LARGE1: variants seen among roughly 807,000 people sequenced by gnomAD.
The protein encoded by LARGE1 is xylosyl- and glucuronyltransferase LARGE1.
A neutral mutation model predicts 87.6 loss-of-function variants in LARGE1; 43 were observed. That is an observed-to-expected ratio of 0.49 (90% CI 0.38 to 0.63). LARGE1 has a LOEUF of 0.63. Ranked by LOEUF, LARGE1 falls within the 30% of genes least tolerant of loss-of-function variation. The pLI is 0.00. For missense variants in LARGE1, 802 were observed against 1,000.2 expected (o/e 0.80, Z 2.67); for synonymous variants, 434 against 394.6 (o/e 1.10, Z -1.18).
chr22:33,663,998 T>A (rs2149242011), intron 2 of LARGE1, among the ~76,000 whole-genome samples: 1 of 152,320 alleles, frequency 6.6e-6, no homozygotes, highest in South Asian at 2.1e-4. Flanking sequence ...TCTTTCACCA[T>A]CCTTGGATTT....
chr22:33,089,727 G>A, the LARGE1 span, among the ~76,000 whole-genome samples: 12 of 151,588 alleles, frequency 7.9e-5, no homozygotes, highest in Non-Finnish European at 1.8e-4. Context: ...AAACTCCTGG[G>A]CTCAAGTGAT....
At chr22:33,804,087 G>GT (rs952781833) in intron 1 of LARGE1, among the ~76,000 whole-genome samples, 3 of 152,112 alleles carry the variant, frequency 2.0e-5, no homozygotes, top group African/African-American at 7.2e-5. Context: ...CTGCCATCCT[G>GT]TACTCTCCTC....
chr22:33,387,782 T>C (rs2065380764), intron 7 of LARGE1, among the ~76,000 whole-genome samples: 1 of 152,226 alleles, frequency 6.6e-6, no homozygotes, highest in African/African-American at 2.4e-5. Flanking sequence ...TGCGTGACTT[T>C]AATTTTTAAA....
At chr22:33,534,185 A>C (rs1382265936) in intron 6 of LARGE1, among the ~76,000 whole-genome samples, 1 of 151,896 alleles carries the variant, frequency 6.6e-6, no homozygotes, top group African/African-American at 2.4e-5. Flanking sequence ...CAGGCGGATC[A>C]CGAGGTCAGG....
intron 1 of LARGE1, among the ~76,000 whole-genome samples, chr22:33,782,901 AGAG>A (rs1485231073): frequency 2.4e-5 from 3 of 125,830 alleles, no homozygotes; most frequent in African/African-American, 8.9e-5. Context: ...AAAAAAAAAG[AGAG>A]AGAGAGAGGG....
intron 2 of LARGE1, among the ~76,000 whole-genome samples, chr22:33,709,949 T>A (rs533543308): frequency 6.7e-6 from 1 of 148,496 alleles, no homozygotes; most frequent in African/African-American, 2.5e-5. Context: ...TTTGATGTAC[T>A]TTCCTCTCTC....
At chr22:33,527,191 G>A (rs1274892063) in intron 6 of LARGE1, among the ~76,000 whole-genome samples, 1 of 152,204 alleles carries the variant, frequency 6.6e-6, no homozygotes, top group Non-Finnish European at 1.5e-5. Flanking sequence ...GGGAGGCAGA[G>A]GTTGCAGTGA....
chr22:33,790,334 T>C (rs2085783301), intron 1 of LARGE1, among the ~76,000 whole-genome samples: 1 of 152,196 alleles, frequency 6.6e-6, no homozygotes, highest in African/African-American at 2.4e-5. Flanking sequence ...CACTGTCCAG[T>C]ATGTCTTTAT....
Position 33,337,794 on chromosome 22 carries a change from T to A in LARGE1, c.1139A>T (p.His380Leu). 1 of 1,614,096 alleles carries A rather than the reference T, an allele frequency of 6.2e-7. No homozygotes were observed. The highest frequency in any genetic ancestry group is 8.5e-7 in the Non-Finnish European group (1 of 1,180,008). ...YRDVSDLKVI[H>L]WNSPKKLRVK... ...CCGGAGCTTCTTGGGGGAGTTCCAG[T>A]GAATGACCTGGCAGGGAGATAAGGA... The change falls in exon 10 of 15, where the codon CAC becomes CTC. Residue 380 changes from histidine (H) to leucine (L), a missense_variant. His to Leu is a moderately conservative substitution (Grantham distance 99, BLOSUM62 -3). Transcript: ENST00000397394.
intron 2 of LARGE1, among the ~76,000 whole-genome samples, chr22:33,661,217 A>T (rs942519264): frequency 2.1e-5 from 3 of 142,084 alleles, no homozygotes; most frequent in Admixed American, 1.4e-4. Flanking sequence ...AGGTTCTATG[A>T]TTTTTTTTTT....
rs151004849 is a variant in LARGE1 at position 33,585,927 on chromosome 22, G to A, written c.615+18508C>T. Among the ~76,000 whole-genome samples, 405 of 152,278 alleles carry A rather than the reference G, an allele frequency of 2.7e-3. 4 individuals carry two copies. Among genetic ancestry groups the A allele is most frequent in the Middle Eastern group, 0.01 (3 of 292 alleles). ...TTGGCCAGGCTGGTCTCAAACTCCCGACCTCAAACGATCCACCTGCCTCGG... is the reference window on the plus strand; with the variant it reads ...TTGGCCAGGCTGGTCTCAAACTCCCAACCTCAAACGATCCACCTGCCTCGG... On this transcript the variant is annotated intron_variant, in intron 5 of 14. Transcript: ENST00000397394.
chr22:33,421,493 T>C (rs1259259597), intron 7 of LARGE1, among the ~76,000 whole-genome samples: 7 of 152,238 alleles, frequency 4.6e-5, no homozygotes, highest in African/African-American at 1.7e-4. Context: ...AAAAATAAAA[T>C]ATGAGCTATA....
At chr22:33,607,926 A>G (rs2079312942) in intron 4 of LARGE1, among the ~76,000 whole-genome samples, 1 of 152,184 alleles carries the variant, frequency 6.6e-6, no homozygotes, top group African/African-American at 2.4e-5. Flanking sequence ...AAAGGGGCAT[A>G]TTTTCCCTAC....
chr22:33,796,569 A>C (rs559326391), intron 1 of LARGE1, among the ~76,000 whole-genome samples: 12 of 152,284 alleles, frequency 7.9e-5, no homozygotes, highest in Middle Eastern at 3.4e-3. Context: ...TCAATCAAAG[A>C]AGGACATGGG....
At chr22:33,466,388 T>C (rs2068609844) in intron 6 of LARGE1, among the ~76,000 whole-genome samples, 2 of 151,558 alleles carry the variant, frequency 1.3e-5, no homozygotes, top group Admixed American at 1.3e-4. Context: ...TCTCTCTCTC[T>C]CTCTGTCATA....
chr22:33,438,024 GGGTTCTGTCGGGT>G (rs1361309095), intron 6 of LARGE1, among the ~76,000 whole-genome samples: 8 of 151,926 alleles, frequency 5.3e-5, no homozygotes, highest in Non-Finnish European at 1.2e-4. Flanking sequence ...TTTCCAATAA[GGGTTCTGTCGGGT>G]AACACCCTTC....
At chr22:33,444,098 G>T (rs1197017944) in intron 6 of LARGE1, among the ~76,000 whole-genome samples, 1 of 152,232 alleles carries the variant, frequency 6.6e-6, no homozygotes, top group African/African-American at 2.4e-5. Context: ...GCTGCAAAGC[G>T]GGGTTGTAGA....
At chr22:33,620,270 C>A (rs2149049342) in intron 4 of LARGE1, among the ~76,000 whole-genome samples, 1 of 152,340 alleles carries the variant, frequency 6.6e-6, no homozygotes, top group South Asian at 2.1e-4. Context: ...GCAGATCATG[C>A]TAGCAAACAA....
chr22:33,293,844 C>T (rs1405540032), intron 12 of LARGE1, among the ~76,000 whole-genome samples: 1 of 152,234 alleles, frequency 6.6e-6, no homozygotes, highest in African/African-American at 2.4e-5. Context: ...CCATGAGTCT[C>T]TCAAACTATT....
Sources: gnomAD v4.1 joint callset for allele counts (sites outside exome capture counted in the v4.1 genomes callset) on GRCh38, gnomAD v4.1.1 for gene constraint, MANE v1.5 for transcripts, NCBI Gene and HGNC (gene_info 2026-07-23, HGNC 2026-07-21) for gene names.